SNX5: variants seen among roughly 807,000 people sequenced by gnomAD.
SNX5 encodes sorting nexin 5.
Under a neutral mutation model 53.9 loss-of-function variants are expected in SNX5, and 31 were observed. That is an observed-to-expected ratio of 0.58 (90% confidence interval 0.43 to 0.78). The LOEUF is 0.78. Among genes scored for constraint, SNX5 ranks in the 30% least tolerant of loss-of-function variants. The pLI is 0.00. For synonymous variants in SNX5, 168 were observed against 171.1 expected (o/e 0.98, Z 0.14); for missense variants, 471 against 478.8 (o/e 0.98, Z 0.15).
intron 1 of SNX5, among the ~76,000 whole-genome samples, chr20:17,965,670 C>CAAAAA (rs74179147): frequency 1.0e-5 from 1 of 97,066 alleles, no homozygotes; most frequent in Non-Finnish European, 2.1e-5. Flanking sequence ...GACCCTGTCT[C>CAAAAA]AAAAAAAAAA....
At chr20:17,945,696 T>C (rs977618422) in intron 11 of SNX5, among the ~76,000 whole-genome samples, 1 of 151,870 alleles carries the variant, frequency 6.6e-6, no homozygotes, top group Non-Finnish European at 1.5e-5. Flanking sequence ...CAACACAGCC[T>C]CAGAGCCTGT....
intron 1 of SNX5, among the ~76,000 whole-genome samples, chr20:17,958,025 G>C (rs1023909366): frequency 1.4e-5 from 2 of 138,382 alleles, no homozygotes; most frequent in Non-Finnish European, 3.0e-5. Flanking sequence ...AAAAAAAAGA[G>C]AGGAGAGAAC....
intron 1 of SNX5, among the ~76,000 whole-genome samples, chr20:17,963,448 G>C (rs1033016985): frequency 6.6e-6 from 1 of 152,178 alleles, no homozygotes; most frequent in African/African-American, 2.4e-5. Flanking sequence ...CCTGGGAGCA[G>C]GCCGAGACCC....
chr20:17,960,547 T>C (rs2035429670), intron 1 of SNX5, among the ~76,000 whole-genome samples: 1 of 151,952 alleles, frequency 6.6e-6, no homozygotes, highest in Non-Finnish European at 1.5e-5. Flanking sequence ...TGAGCCGACA[T>C]CACGCGACTG....
At chr20:17,960,649 C>A (rs921409511) in intron 1 of SNX5, among the ~76,000 whole-genome samples, 1 of 151,646 alleles carries the variant, frequency 6.6e-6, no homozygotes, top group African/African-American at 2.4e-5. Flanking sequence ...TGGTGGCGTG[C>A]GCCTGTAATC....
intron 2 of SNX5, among the ~76,000 whole-genome samples, chr20:17,956,185 A>G (rs2035353231): frequency 6.6e-6 from 1 of 152,176 alleles, no homozygotes; most frequent in Non-Finnish European, 1.5e-5. Context: ...TATGGTTCTA[A>G]AAATTGTCCC....
chr20:17,946,223 G>T (rs972410011), intron 11 of SNX5, among the ~76,000 whole-genome samples: 1 of 152,168 alleles, frequency 6.6e-6, no homozygotes. Context: ...TGTGTGCAAC[G>T]GCATATGTGT....
intron 12 of SNX5, chr20:17,942,698 T>C (rs888263516): frequency 8.8e-6 from 4 of 455,324 alleles, no homozygotes; most frequent in African/African-American, 5.9e-5. Context: ...TTACTGTAAC[T>C]TCTTAAGACA....
At chr20:17,951,953 G>A (rs1175764415) in intron 5 of SNX5, among the ~76,000 whole-genome samples, 4 of 152,266 alleles carry the variant, frequency 2.6e-5, no homozygotes, top group African/African-American at 9.6e-5. Flanking sequence ...GCCGGGCGCA[G>A]TGGCTCACGC....
At chr20:17,951,633 G>C in intron 5 of SNX5, 38 bp from the exon 6 acceptor site, 1 of 1,343,274 alleles carries the variant, frequency 7.4e-7, no homozygotes, top group Non-Finnish European at 1.1e-6. Flanking sequence ...ATATGGTATG[G>C]ATTTTTCTAG....
At chr20:17,942,927 G>T (rs926993806) in intron 12 of SNX5, 183 bp downstream of exon 12, 31 of 504,538 alleles carry the variant, frequency 6.1e-5, no homozygotes, top group Non-Finnish European at 8.5e-5. Context: ...CTAAAAATTA[G>T]TCATGGGTGA....
At chr20:17,953,583 A>G (rs1424128387) in intron 4 of SNX5, among the ~76,000 whole-genome samples, 3 of 152,172 alleles carry the variant, frequency 2.0e-5, no homozygotes, top group Admixed American at 1.3e-4. Context: ...GTTCGAGACC[A>G]GCCGGGGCAA....
rs148084267 is a variant in SNX5 at position 17,949,079 on chromosome 20, T to C, written c.816A>G (p.Leu272=). 1.3e-4 allele frequency: 214 copies of C among 1,613,360 alleles called. No homozygotes were observed. Among genetic ancestry groups the C allele is most frequent in the Non-Finnish European group, 1.6e-4 (186 of 1,179,726 alleles). The change falls in exon 9 of 13, where the codon CTA becomes CTG. Residue 272 remains leucine, a synonymous_variant. Transcript: ENST00000377759. ...AAATCCTTACCCTTAGTTTTTCAAA[T>C]AGCTCAGCAACCTTCAATAGGTACC... The part of the protein sequence containing the change: ...IKKYLLKVAE[L]FEKLRKVEGR...
rs1018033167 is a variant in SNX5, at chr20:17,968,466, G to A, written c.-41C>T. 10 of 1,290,088 alleles carry A rather than the reference G, an allele frequency of 7.8e-6. No individual in the cohort carries two copies. The East Asian group carries it at 2.2e-4, about 28-fold the overall frequency. The allele number at this position is 1,290,088 out of a possible 1,614,324, so 79.9% of individuals were successfully genotyped here. On this transcript the variant is annotated 5_prime_UTR_variant, in exon 1 of 13. Transcript: ENST00000377759. ...GAGCAGGGGCCGCCTGGCTGTGCGA[G>A]GAAAGAAGAAGCTGGGCCGCCGCCG...
Position 17,949,348 on chromosome 20 carries a change from C to G in SNX5, c.792-245G>C, listed in dbSNP as rs554797748. On this transcript the variant is annotated intron_variant, in intron 8 of 12. Coordinates refer to ENST00000377759, the MANE Select transcript of SNX5 (RefSeq NM_014426.4). ...ACCCTTCGGTCATCCTGCCATGCGC[C>G]CAAATATTCTTATTAAATGCCAATG... 1.1e-4 allele frequency among the ~76,000 whole-genome samples: 16 copies of G among 152,304 alleles called. No individual in the cohort carries two copies. The South Asian group carries it at 1.9e-3, about 18-fold the overall frequency.
rs777156715 is a variant in SNX5 at position 17,948,860 on chromosome 20, C to T, written c.918+30G>A. 5 of 1,576,018 alleles carry T rather than the reference C, an allele frequency of 3.2e-6. No homozygotes were observed. The East Asian group carries it at 8.9e-5, about 28-fold the overall frequency. ...TAAACAGACTTCTGGTCCTGCACTG[C>T]TCTGAGAAGCTGAGCAACTCTCTTC... On this transcript the variant is annotated intron_variant, in intron 10 of 12. Transcript: ENST00000377759.
At chr20:17,961,026 T>C (rs1038527250) in intron 1 of SNX5, 6 of 562,776 alleles carry the variant, frequency 1.1e-5, no homozygotes, top group African/African-American at 2.0e-5. Context: ...CACGGCTTCA[T>C]TTGGAAAGCA....
Position 17,948,851 on chromosome 20 carries a change from C to A in SNX5, c.918+39G>T, listed in dbSNP as rs370914836. 4 of 1,517,962 alleles carry A rather than the reference C, an allele frequency of 2.6e-6. No homozygotes were observed. In the Admixed American group the frequency reaches 6.7e-5, roughly 25 times the overall value. The allele number at this position is 1,517,962 out of a possible 1,614,324, so 94.0% of individuals were successfully genotyped here. Reference sequence around the variant, plus strand: ...GAAACTTTTTAAACAGACTTCTGGTCCTGCACTGCTCTGAGAAGCTGAGCA... The same window carrying A: ...GAAACTTTTTAAACAGACTTCTGGTACTGCACTGCTCTGAGAAGCTGAGCA... On this transcript the variant is annotated intron_variant, in intron 10 of 12. Coordinates refer to ENST00000377759, the MANE Select transcript of SNX5 (RefSeq NM_014426.4).
intron 4 of SNX5, among the ~76,000 whole-genome samples, chr20:17,953,468 G>GA (rs761126586): frequency 2.6e-5 from 4 of 152,224 alleles, no homozygotes. Flanking sequence ...GATGGTTACT[G>GA]AGAATGCTAC....
Sources: gnomAD v4.1 joint callset for allele counts (sites outside exome capture counted in the v4.1 genomes callset) on GRCh38, gnomAD v4.1.1 for gene constraint, MANE v1.5 for transcripts, NCBI Gene and HGNC (gene_info 2026-07-23, HGNC 2026-07-21) for gene names.